Variants in FSTL5 observed in about 807,000 individuals in gnomAD.
The protein encoded by FSTL5 is follistatin-related protein 5.
Under a neutral mutation model 89.1 loss-of-function variants are expected in FSTL5, and 62 were observed. The ratio of observed to expected loss-of-function variants is 0.70; its 90% CI spans 0.57 to 0.86. The LOEUF is 0.86. Among genes scored for constraint, FSTL5 ranks in the 40% least tolerant of loss-of-function variants. The probability of loss-of-function intolerance (pLI) is 0.00; values close to 1 mark genes in which losing one functional copy is unlikely to be tolerated. For synonymous variants in FSTL5, 383 were observed against 346.2 expected (o/e 1.11, Z -1.18); for missense variants, 1,057 against 1,001.6 (o/e 1.06, Z -0.75).
At chr4:161,795,738 G>T in intron 4 of FSTL5, among the ~76,000 whole-genome samples, 1 of 151,770 alleles carries the variant, frequency 6.6e-6, no homozygotes, top group East Asian at 1.9e-4. Context: ...GTGTTGTGTT[G>T]GTACTCTTTC....
chr4:161,976,324 G>A (rs1036203444), intron 3 of FSTL5, among the ~76,000 whole-genome samples: 1 of 152,060 alleles, frequency 6.6e-6, no homozygotes. Flanking sequence ...CTTGTATTGA[G>A]AGTGATTAAT....
chr4:161,665,553 T>C (rs1736865038), intron 6 of FSTL5, among the ~76,000 whole-genome samples: 2 of 152,070 alleles, frequency 1.3e-5, no homozygotes, highest in Admixed American at 1.3e-4. Flanking sequence ...TCTTAAAATT[T>C]TGCAAATTAA....
chr4:161,885,417 A>T (rs751320521), intron 4 of FSTL5, among the ~76,000 whole-genome samples: 21 of 152,284 alleles, frequency 1.4e-4, no homozygotes, highest in Non-Finnish European at 2.9e-4. Flanking sequence ...ACAATGGCAA[A>T]AAAAAGCCTT....
chr4:161,566,123 TATATATATATATACAC>T (rs1359730281), intron 8 of FSTL5, among the ~76,000 whole-genome samples: 1 of 96,230 alleles, frequency 1.0e-5, no homozygotes, highest in Non-Finnish European at 2.1e-5. Flanking sequence ...TATATATATA[TATATATATATATACAC>T]ACACACACAC....
chr4:161,838,893 G>A lies in FSTL5; in HGVS notation c.410-62819C>T, dbSNP rs563315010. On this transcript the variant is annotated intron_variant, in intron 4 of 15. Coordinates refer to ENST00000306100, the MANE Select transcript of FSTL5 (RefSeq NM_020116.5). ...ATCATAGCAAGTATTTACTCTGAAC[G>A]CAATGGAATTATTAAACATAAAATA... Among the ~76,000 whole-genome samples, 30 of 145,196 alleles carry A rather than the reference G, an allele frequency of 2.1e-4. 1 individual carries two copies. In the South Asian group the frequency reaches 5.1e-3, roughly 25 times the overall value.
chr4:161,546,373 T>A (rs1211116115), intron 8 of FSTL5, among the ~76,000 whole-genome samples: 1 of 140,590 alleles, frequency 7.1e-6, no homozygotes, highest in African/African-American at 2.5e-5. Context: ...CTCAGTTCTG[T>A]GTAAGACATT....
chr4:161,855,157 T>C (rs965362408), intron 4 of FSTL5, among the ~76,000 whole-genome samples: 7 of 151,910 alleles, frequency 4.6e-5, no homozygotes, highest in African/African-American at 1.7e-4. Flanking sequence ...CTAATTGTGG[T>C]ATTAGGGGTA....
intron 2 of FSTL5, among the ~76,000 whole-genome samples, chr4:162,100,522 A>T (rs973751144): frequency 6.6e-6 from 1 of 152,212 alleles, no homozygotes; most frequent in Admixed American, 6.5e-5. Context: ...TGAAAACGAA[A>T]GATGAAGAGG....
intron 3 of FSTL5, among the ~76,000 whole-genome samples, chr4:162,012,675 T>A (rs1457316805): frequency 2.0e-5 from 3 of 152,278 alleles, no homozygotes; most frequent in African/African-American, 7.2e-5. Context: ...AGCTTTAATT[T>A]ATTTTATAGC....
chr4:162,000,406 C>A (rs1009447092), intron 3 of FSTL5, among the ~76,000 whole-genome samples: 1 of 151,900 alleles, frequency 6.6e-6, no homozygotes, highest in African/African-American at 2.4e-5. Context: ...GTCTGGCCAA[C>A]ATGATGAAAC....
chr4:161,806,386 G>A (rs1012747117), intron 4 of FSTL5, among the ~76,000 whole-genome samples: 1 of 152,046 alleles, frequency 6.6e-6, no homozygotes, highest in Non-Finnish European at 1.5e-5. Flanking sequence ...GGCATATAGT[G>A]CCTCAAGCAC....
chr4:162,126,911 G>A (rs1732103187), intron 1 of FSTL5, among the ~76,000 whole-genome samples: 1 of 152,084 alleles, frequency 6.6e-6, no homozygotes, highest in South Asian at 2.1e-4. Context: ...GCTGATACTG[G>A]CAACTTTTGT....
At chr4:161,672,746 G>T (rs972048795) in intron 6 of FSTL5, among the ~76,000 whole-genome samples, 3 of 142,818 alleles carry the variant, frequency 2.1e-5, no homozygotes, top group Non-Finnish European at 4.5e-5. Context: ...AAAAAGTAAG[G>T]TGTTTATTGA....
intron 12 of FSTL5, among the ~76,000 whole-genome samples, chr4:161,493,477 A>G (rs1198648363): frequency 1.3e-5 from 2 of 151,848 alleles, no homozygotes; most frequent in Non-Finnish European, 2.9e-5. Flanking sequence ...TGCCGTGAAT[A>G]TATATTACCT....
intron 4 of FSTL5, among the ~76,000 whole-genome samples, chr4:161,794,117 C>T (rs1287920400): frequency 1.3e-5 from 2 of 152,080 alleles, no homozygotes; most frequent in African/African-American, 4.8e-5. Flanking sequence ...TGGTTCTTAG[C>T]CTGTGTTTCA....
chr4:161,394,542 A>C (rs1271360575), intron 15 of FSTL5, among the ~76,000 whole-genome samples: 1 of 152,072 alleles, frequency 6.6e-6, no homozygotes, highest in Non-Finnish European at 1.5e-5. Flanking sequence ...CCCAAAGTGC[A>C]GAGATTACAG....
intron 7 of FSTL5, among the ~76,000 whole-genome samples, chr4:161,609,946 G>T (rs1734580594): frequency 6.6e-6 from 1 of 152,134 alleles, no homozygotes; most frequent in Non-Finnish European, 1.5e-5. Context: ...GCAAAAACAT[G>T]AGGGACTCAG....
At chr4:161,950,050 C>A (rs148353280) in intron 3 of FSTL5, among the ~76,000 whole-genome samples, 192 of 152,134 alleles carry the variant, frequency 1.3e-3, no homozygotes, top group African/African-American at 4.5e-3. Context: ...TCAGTGATGG[C>A]ACACTCATTC....
chr4:162,147,862 G>C (rs1253364417), intron 1 of FSTL5, among the ~76,000 whole-genome samples: 1 of 152,002 alleles, frequency 6.6e-6, no homozygotes, highest in Non-Finnish European at 1.5e-5. Context: ...AAAATTAGCT[G>C]GGCGTGGTGG....
Sources: allele counts gnomAD v4.1 joint callset (sites outside exome capture counted in the v4.1 genomes callset), GRCh38; gene constraint gnomAD v4.1.1; transcripts MANE v1.5; gene names NCBI Gene and HGNC (gene_info 2026-07-23, HGNC 2026-07-21).